EFCAB6: variants seen among roughly 807,000 people sequenced by gnomAD.
EFCAB6 encodes EF-hand calcium binding domain 6, also known as EF-hand calcium-binding domain-containing protein 6.
A neutral mutation model predicts 169.8 loss-of-function variants in EFCAB6; 156 were observed. That is an observed-to-expected ratio of 0.92 (90% CI 0.81 to 1.05). The LOEUF (loss-of-function observed/expected upper bound fraction) is 1.05, where lower values mean the gene tolerates loss of function less well. Among genes scored for constraint, EFCAB6 ranks in the 50% least tolerant of loss-of-function variants. EFCAB6 has a pLI of 0.00. For synonymous variants in EFCAB6, 698 were observed against 676.4 expected (o/e 1.03, Z -0.50); for missense variants, 1,800 against 1,829.1 (o/e 0.98, Z 0.29).
chr22:43,601,841 C>T (rs2147543619), intron 22 of EFCAB6, among the ~76,000 whole-genome samples: 1 of 152,350 alleles, frequency 6.6e-6, no homozygotes, highest in East Asian at 1.9e-4. Flanking sequence ...CCTGTCCCCA[C>T]AGGTGCCCCT....
intron 30 of EFCAB6, among the ~76,000 whole-genome samples, 187 bp downstream of exon 30, chr22:43,534,501 C>T (rs1569113810): frequency 6.6e-6 from 1 of 152,214 alleles, no homozygotes; most frequent in Admixed American, 6.5e-5. Context: ...CAGCTTGTGC[C>T]TGTGGTCCTA....
intron 19 of EFCAB6, among the ~76,000 whole-genome samples, chr22:43,631,440 A>G (rs2054934675): frequency 6.6e-6 from 1 of 151,758 alleles, no homozygotes; most frequent in African/African-American, 2.4e-5. Context: ...TTTTCCCCAG[A>G]GCCCATGCCT....
intron 25 of EFCAB6, among the ~76,000 whole-genome samples, chr22:43,579,325 C>T (rs561647094): frequency 4.1e-5 from 6 of 147,224 alleles, no homozygotes; most frequent in South Asian, 4.4e-4. Context: ...ATTCTCTACA[C>T]GCAGGTATCA....
At chr22:43,711,262 A>G (rs959487789) in intron 10 of EFCAB6, among the ~76,000 whole-genome samples, 1 of 152,212 alleles carries the variant, frequency 6.6e-6, no homozygotes, top group Non-Finnish European at 1.5e-5. Flanking sequence ...GCAGGAATAC[A>G]AATGAAATAA....
chr22:43,629,726 G>C (rs2054794376), intron 19 of EFCAB6, among the ~76,000 whole-genome samples: 1 of 152,128 alleles, frequency 6.6e-6, no homozygotes, highest in African/African-American at 2.4e-5. Context: ...GGAGTCCACT[G>C]GTCAAAGGGG....
intron 9 of EFCAB6, among the ~76,000 whole-genome samples, chr22:43,713,430 A>G (rs143813725): frequency 1.3e-5 from 2 of 152,346 alleles, no homozygotes; most frequent in Non-Finnish European, 2.9e-5. Flanking sequence ...ATTATAGCTG[A>G]GATAGCATTT....
chr22:43,646,468 C>T (rs16990878), intron 17 of EFCAB6, among the ~76,000 whole-genome samples: 7,024 of 152,166 alleles, frequency 0.046, 564 homozygotes, highest in African/African-American at 0.16. Flanking sequence ...TGAGAAAAGA[C>T]CTGTTTTACT....
At chr22:43,629,161 C>A (rs1029938678) in intron 19 of EFCAB6, among the ~76,000 whole-genome samples, 1 of 152,176 alleles carries the variant, frequency 6.6e-6, no homozygotes, top group African/African-American at 2.4e-5. Flanking sequence ...GGATTCTGGA[C>A]TCCAGGGACA....
At chr22:43,652,996 G>C (rs2056551378) in intron 17 of EFCAB6, among the ~76,000 whole-genome samples, 1 of 152,124 alleles carries the variant, frequency 6.6e-6, no homozygotes, top group African/African-American at 2.4e-5. Context: ...GAAAAATGCA[G>C]AACATGGGAT....
At chr22:43,800,761 A>C (rs1316400621) in intron 2 of EFCAB6, among the ~76,000 whole-genome samples, 1 of 152,210 alleles carries the variant, frequency 6.6e-6, no homozygotes, top group Non-Finnish European at 1.5e-5. Context: ...TTGAAGACAG[A>C]CTATTTGAAA....
rs1242285411 is a variant in EFCAB6, at chr22:43,572,646, C to T, written c.3420+3651G>A. On this transcript the variant is annotated intron_variant, in intron 26 of 31. Transcript: ENST00000262726. The surrounding 1 kb of genome is among the most constrained non-coding windows in gnomAD (Gnocchi z 4.0). ...TAGCAGTGCCGGCCAGTCCCTTGCCCGATGTCACTGCTCACTCCCTCCCCT... is the reference window on the plus strand; with the variant it reads ...TAGCAGTGCCGGCCAGTCCCTTGCCTGATGTCACTGCTCACTCCCTCCCCT... 2.0e-5 allele frequency among the ~76,000 whole-genome samples: 3 copies of T among 152,188 alleles called. No homozygotes were observed. Among genetic ancestry groups the T allele is most frequent in the African/African-American group, 7.2e-5 (3 of 41,442 alleles).
At chr22:43,580,343 T>C in intron 25 of EFCAB6, 121 bp downstream of exon 25, 1 of 1,061,478 alleles carries the variant, frequency 9.4e-7, no homozygotes, top group Admixed American at 2.5e-5. Flanking sequence ...ACTCTGCTCA[T>C]GGTTAACTAG....
intron 6 of EFCAB6, among the ~76,000 whole-genome samples, chr22:43,746,465 G>A (rs959291536): frequency 6.6e-6 from 1 of 152,184 alleles, no homozygotes; most frequent in East Asian, 1.9e-4. Flanking sequence ...AAGTCCACAG[G>A]CCATGTAAAC....
At chr22:43,631,988 CTG>C in intron 19 of EFCAB6, 115 bp downstream of exon 19, 1 of 1,420,710 alleles carries the variant, frequency 7.0e-7, no homozygotes, top group Non-Finnish European at 9.5e-7. Flanking sequence ...GGGAAATGCT[CTG>C]TGTCCCTTGG....
At chr22:43,707,438 G>A (rs1290857709) in intron 10 of EFCAB6, among the ~76,000 whole-genome samples, 2 of 152,130 alleles carry the variant, frequency 1.3e-5, no homozygotes, top group African/African-American at 4.8e-5. Context: ...AATAGCAGGA[G>A]TGTGGGAAGG....
At chr22:43,597,993 T>C (rs2052152323) in intron 23 of EFCAB6, among the ~76,000 whole-genome samples, 1 of 152,108 alleles carries the variant, frequency 6.6e-6, no homozygotes, top group African/African-American at 2.4e-5. Context: ...ATATCACACG[T>C]TCTCATTCAT....
chr22:43,701,442 A>G (rs1378971056), intron 10 of EFCAB6, among the ~76,000 whole-genome samples: 1 of 152,216 alleles, frequency 6.6e-6, no homozygotes, highest in Non-Finnish European at 1.5e-5. Flanking sequence ...GTAAAAATAT[A>G]AAAGAAAATA....
At chr22:43,529,033 C>T (rs2046903294) in intron 31 of EFCAB6, 58 bp from the exon 32 acceptor site, 5 of 1,505,540 alleles carry the variant, frequency 3.3e-6, no homozygotes, top group East Asian at 2.3e-5. Flanking sequence ...GTTAAGGAGG[C>T]AGGCTGCCAG....
chr22:43,655,808 T>C (rs949224044), intron 17 of EFCAB6, among the ~76,000 whole-genome samples: 1 of 152,126 alleles, frequency 6.6e-6, no homozygotes, highest in African/African-American at 2.4e-5. Context: ...GGATACGCCA[T>C]GTGAACACTC....
Sources: gnomAD v4.1 joint callset for allele counts (sites outside exome capture counted in the v4.1 genomes callset) on GRCh38, gnomAD v4.1.1 for gene constraint, Gnocchi (gnomAD v3.1) non-coding constraint, MANE v1.5 for transcripts, NCBI Gene and HGNC (gene_info 2026-07-23, HGNC 2026-07-21) for gene names.